Variants in LARP1B observed in about 807,000 individuals in gnomAD.
LARP1B encodes la-related protein 1B.
LARP1B carries 76 observed loss-of-function variants against 114.2 expected under a neutral mutation model. That is an observed-to-expected ratio of 0.67 (90% CI 0.55 to 0.81). The LOEUF (loss-of-function observed/expected upper bound fraction) is 0.81. Ranked by LOEUF, LARP1B falls within the 30% of genes least tolerant of loss-of-function variation. LARP1B has a pLI of 0.00. For missense variants in LARP1B, 1,014 were observed against 1,075.8 expected (o/e 0.94, Z 0.80); for synonymous variants, 345 against 348.0 (o/e 0.99, Z 0.10).
intron 1 of LARP1B, among the ~76,000 whole-genome samples, chr4:128,066,350 G>T (rs779332240): frequency 6.6e-6 from 1 of 150,796 alleles, no homozygotes; most frequent in East Asian, 2.0e-4. Flanking sequence ...CTGATTTTTT[G>T]TATTATTTTA....
intron 17 of LARP1B, among the ~76,000 whole-genome samples, chr4:128,201,159 T>C (rs1019456118): frequency 6.6e-6 from 1 of 152,166 alleles, no homozygotes; most frequent in Non-Finnish European, 1.5e-5. Context: ...GCTTCCAAAA[T>C]GGAAGCCTCA....
At chr4:128,155,456 GC>G in intron 11 of LARP1B, 15 of 743,328 alleles carry the variant, frequency 2.0e-5, no homozygotes, top group Admixed American at 3.7e-5. Flanking sequence ...ACCCCGCGCA[GC>G]CCCCCGGCCG....
At chr4:128,086,308 T>TTG (rs1295504876) in intron 5 of LARP1B, among the ~76,000 whole-genome samples, 2 of 151,902 alleles carry the variant, frequency 1.3e-5, no homozygotes, top group Non-Finnish European at 2.9e-5. Flanking sequence ...CCCAGCCGCT[T>TTG]TGTCATAGTA....
At position 128,107,245 on chromosome 4, in the gene LARP1B, C is replaced by G; in HGVS notation, c.920C>G (p.Pro307Arg). 4 of 1,614,062 alleles carry G rather than the reference C, an allele frequency of 2.5e-6. No individual in the cohort carries two copies. The highest frequency in any genetic ancestry group is 3.4e-6 in the Non-Finnish European group (4 of 1,179,958). ...IPGPPPRSVP[P>R]TDFSQLIDCP... ...GGCCCTCCTCCACGCAGTGTGCCAC[C>G]AACAGACTTCTCTCAACTGATTGAT... The change falls in exon 9 of 20, where the codon CCA (proline) becomes CGA (arginine). Residue 307 changes from proline to arginine, a missense_variant. Coordinates refer to ENST00000326639, the MANE Select transcript of LARP1B (RefSeq NM_018078.4).
intron 11 of LARP1B, chr4:128,123,722 A>T: frequency 2.1e-6 from 2 of 974,194 alleles, no homozygotes; most frequent in Non-Finnish European, 2.4e-6. Context: ...AAGGAACCCA[A>T]CCATTGTGTA....
At chr4:128,216,544 A>G (rs1260013763), downstream of LARP1B, among the ~76,000 whole-genome samples, 11 of 149,824 alleles carry the variant, frequency 7.3e-5, no homozygotes, top group South Asian at 2.0e-3. Context: ...CTGAATGACT[A>G]CTGGGTACAT....
chr4:128,209,720 CAAAAAAA>C lies in LARP1B; in HGVS notation c.2548-119_2548-113del, dbSNP rs11293327. 1,924 of 492,204 alleles carry C rather than the reference CAAAAAAA, an allele frequency of 3.9e-3. 24 individuals are homozygous for C. The African/African-American group carries it at 0.043, about 11-fold the overall frequency. 30.5% of individuals were successfully genotyped at this position (492,204 alleles called of 1,614,324 possible). The stretch of plus-strand genomic sequence containing the variant: ...CCTGGGTGACAGAATGAGACTCCAT[CAAAAAAA>C]AAAAAAAAAAAAAAAATTATACTGA... On this transcript the variant is annotated intron_variant, in intron 19 of 19. Transcript: ENST00000326639.
Position 128,110,676 on chromosome 4 carries a change from C to CAAAAAAAAAAAAAAAAAAAAA in LARP1B, c.988+3380_988+3381insAAAAAAAAAAAAAAAAAAAAA, listed in dbSNP as rs544129662. 1.1e-3 allele frequency among the ~76,000 whole-genome samples: 36 copies of CAAAAAAAAAAAAAAAAAAAAA among 32,422 alleles called. 4 individuals are homozygous for CAAAAAAAAAAAAAAAAAAAAA. Among genetic ancestry groups the CAAAAAAAAAAAAAAAAAAAAA allele is most frequent in the African/African-American group, 5.1e-3 (31 of 6,042 alleles). The allele number at this position is 32,422 out of a possible 152,430, so 21.3% of individuals were successfully genotyped here. ...TGGGCGACAGAGCGAGACTCCGTCT[C>CAAAAAAAAAAAAAAAAAAAAA]AAAAAAAAAAAAAAAAAGATGCAGC... On this transcript the variant is annotated intron_variant, in intron 9 of 19. Coordinates refer to ENST00000326639, the MANE Select transcript of LARP1B (RefSeq NM_018078.4).
intron 6 of LARP1B, among the ~76,000 whole-genome samples, chr4:128,217,205 G>T (rs1375726752): frequency 7.4e-6 from 1 of 134,644 alleles, no homozygotes; most frequent in African/African-American, 2.8e-5. Flanking sequence ...GCCGAATTCT[G>T]CCAGAGGTAC....
chr4:128,141,393 T>C (rs967295494), intron 11 of LARP1B, among the ~76,000 whole-genome samples: 2 of 152,198 alleles, frequency 1.3e-5, no homozygotes, highest in African/African-American at 4.8e-5. Flanking sequence ...GAGAAACACG[T>C]TACAACGAGT....
At chr4:128,200,800 A>G in intron 17 of LARP1B, 135 bp downstream of exon 17, 1 of 566,568 alleles carries the variant, frequency 1.8e-6, no homozygotes, top group South Asian at 3.3e-5. Context: ...CCTGATTTTG[A>G]ACCGTGAAAG....
chr4:128,099,053 G>A (rs1779329408), intron 8 of LARP1B, among the ~76,000 whole-genome samples: 1 of 151,222 alleles, frequency 6.6e-6, no homozygotes, highest in South Asian at 2.1e-4. Flanking sequence ...TAGGATTACA[G>A]GTGTGAGCCA....
intron 3 of LARP1B, among the ~76,000 whole-genome samples, chr4:128,076,580 A>C (rs1488147754): frequency 6.6e-6 from 1 of 152,204 alleles, no homozygotes. Context: ...ACGTTTGTGT[A>C]GAAAATTTTT....
At chr4:128,081,713 T>C (rs1770537732) in intron 4 of LARP1B, among the ~76,000 whole-genome samples, 1 of 152,128 alleles carries the variant, frequency 6.6e-6, no homozygotes, top group South Asian at 2.1e-4. Context: ...ACAAGGGGAT[T>C]GGGGGTTCTG....
At chr4:128,155,155 TAAC>T (rs1001169596) in intron 11 of LARP1B, among the ~76,000 whole-genome samples, 13 of 152,252 alleles carry the variant, frequency 8.5e-5, no homozygotes, top group African/African-American at 2.9e-4. Flanking sequence ...TTATTAAAAA[TAAC>T]AACAACAACA....
intron 9 of LARP1B, chr4:128,108,333 T>G: frequency 1.0e-6 from 1 of 1,001,470 alleles, no homozygotes; most frequent in Non-Finnish European, 1.2e-6. Flanking sequence ...ACTTTGCTAT[T>G]CGATTTGCCT....
At chr4:128,103,363 C>T (rs574628812) in intron 8 of LARP1B, among the ~76,000 whole-genome samples, 1 of 151,988 alleles carries the variant, frequency 6.6e-6, no homozygotes, top group South Asian at 2.1e-4. Flanking sequence ...TGGTTATCTT[C>T]CAGTGATTGT....
intron 11 of LARP1B, among the ~76,000 whole-genome samples, chr4:128,153,878 C>A (rs919415015): frequency 1.3e-5 from 2 of 152,124 alleles, no homozygotes; most frequent in Non-Finnish European, 2.9e-5. Context: ...CCACCCCAAA[C>A]CTATATTTTT....
intron 11 of LARP1B, among the ~76,000 whole-genome samples, chr4:128,148,295 G>T (rs1013196704): frequency 6.6e-6 from 1 of 152,036 alleles, no homozygotes. Context: ...GCTGGGCGTG[G>T]TGGTGGGCGC....
Sources: gnomAD v4.1 joint callset for allele counts (sites outside exome capture counted in the v4.1 genomes callset) on GRCh38, gnomAD v4.1.1 for gene constraint, MANE v1.5 for transcripts, NCBI Gene and HGNC (gene_info 2026-07-23, HGNC 2026-07-21) for gene names.